The following RAB30 variants were observed in gnomAD, a reference collection of about 807,000 sequenced individuals.
RAB30 encodes the protein ras-related protein Rab-30.
In RAB30, 9 loss-of-function variants were observed where a neutral mutation model predicts 25.1. That is an observed-to-expected ratio of 0.36 (90% CI 0.22 to 0.63). RAB30 has a LOEUF of 0.63. Among genes scored for constraint, RAB30 ranks in the 20% least tolerant of loss-of-function variants. RAB30 has a pLI of 0.69. For synonymous variants in RAB30, 77 were observed against 86.4 expected, an observed-to-expected ratio of 0.89 and a Z score of 0.60; for missense variants, 140 against 243.5, an observed-to-expected ratio of 0.58 and a Z score of 2.83.
At chr11:83,010,498 T>C (rs1279826306) in intron 1 of RAB30, among the ~76,000 whole-genome samples, 2 of 152,220 alleles carry the variant, frequency 1.3e-5, no homozygotes, top group Admixed American at 1.3e-4. Flanking sequence ...TTTAAAATTC[T>C]TACCTCTGGG....
At chr11:83,036,194 T>C (rs1484757456) in intron 1 of RAB30, among the ~76,000 whole-genome samples, 1 of 143,002 alleles carries the variant, frequency 7.0e-6, no homozygotes, top group African/African-American at 2.6e-5. Flanking sequence ...TGAGATGGAG[T>C]CTCACTCCAC....
At chr11:82,988,156 T>C (rs1008685620) in intron 3 of RAB30, among the ~76,000 whole-genome samples, 1 of 152,206 alleles carries the variant, frequency 6.6e-6, no homozygotes, top group African/African-American at 2.4e-5. Flanking sequence ...ATGAGGTAGA[T>C]ACTATCATAA....
At chr11:83,047,007 T>C (rs1483777606) in intron 1 of RAB30, among the ~76,000 whole-genome samples, 1 of 152,218 alleles carries the variant, frequency 6.6e-6, no homozygotes, top group African/African-American at 2.4e-5. Flanking sequence ...ATTCCGGCTC[T>C]TCACGCAGAG....
intron 1 of RAB30, among the ~76,000 whole-genome samples, chr11:83,046,618 T>G (rs1010528581): frequency 1.6e-4 from 25 of 152,086 alleles, no homozygotes; most frequent in African/African-American, 5.8e-4. Flanking sequence ...CTTAGTCTCC[T>G]GAGTAGCTAC....
chr11:83,030,683 G>C (rs1857835783), intron 1 of RAB30, among the ~76,000 whole-genome samples: 1 of 151,878 alleles, frequency 6.6e-6, no homozygotes, highest in Non-Finnish European at 1.5e-5. Context: ...TGTAATCCCA[G>C]CTACTCAGGA....
intron 1 of RAB30, among the ~76,000 whole-genome samples, chr11:83,001,479 G>A (rs187951453): frequency 6.6e-6 from 1 of 152,234 alleles, no homozygotes; most frequent in African/African-American, 2.4e-5. Context: ...ACGCCAAGAC[G>A]TTGCATGTTT....
At chr11:83,017,158 G>T (rs1369554805) in intron 1 of RAB30, among the ~76,000 whole-genome samples, 2 of 152,066 alleles carry the variant, frequency 1.3e-5, no homozygotes, top group African/African-American at 2.4e-5. Flanking sequence ...GAGTAACATG[G>T]CAAAACTAAG....
intron 1 of RAB30, among the ~76,000 whole-genome samples, chr11:83,004,759 C>A (rs1204283000): frequency 2.6e-5 from 4 of 151,978 alleles, no homozygotes; most frequent in African/African-American, 9.7e-5. Flanking sequence ...TCTCTCACCC[C>A]CTACTATCCT....
At chr11:83,068,641 C>T (rs572305248) in intron 1 of RAB30, among the ~76,000 whole-genome samples, 1 of 152,212 alleles carries the variant, frequency 6.6e-6, no homozygotes, top group Non-Finnish European at 1.5e-5. Context: ...TCTCCTCTTG[C>T]TCTGTCTCTA....
At chr11:83,028,642 C>T (rs1857780518) in intron 1 of RAB30, among the ~76,000 whole-genome samples, 1 of 152,088 alleles carries the variant, frequency 6.6e-6, no homozygotes, top group South Asian at 2.1e-4. Context: ...TAAAGCAATG[C>T]CTTTAAAATC....
At chr11:83,015,979 A>C (rs1380910444) in intron 1 of RAB30, among the ~76,000 whole-genome samples, 2 of 152,114 alleles carry the variant, frequency 1.3e-5, no homozygotes, top group African/African-American at 2.4e-5. Context: ...CTCTACAAAA[A>C]ATACAAAAAT....
At chr11:83,064,493 T>C (rs1305820281) in intron 1 of RAB30, among the ~76,000 whole-genome samples, 4 of 152,202 alleles carry the variant, frequency 2.6e-5, no homozygotes, top group African/African-American at 9.6e-5. Context: ...ACAGCTAATG[T>C]TCCTCCTGCA....
intron 3 of RAB30, 74 bp downstream of exon 3, chr11:82,993,965 T>C: frequency 8.6e-7 from 1 of 1,159,842 alleles, no homozygotes; most frequent in Non-Finnish European, 1.3e-6. Context: ...ATTTAATAAA[T>C]GGTTATGAAA....
At chr11:83,066,783 C>G (rs1365708042) in intron 1 of RAB30, among the ~76,000 whole-genome samples, 1 of 152,206 alleles carries the variant, frequency 6.6e-6, no homozygotes, top group African/African-American at 2.4e-5. Flanking sequence ...AACTCCTGAC[C>G]TCAGGTGATC....
intron 1 of RAB30, among the ~76,000 whole-genome samples, chr11:83,069,949 G>T (rs1858793647): frequency 6.6e-6 from 1 of 152,188 alleles, no homozygotes; most frequent in Admixed American, 6.5e-5. Flanking sequence ...TATTCACATA[G>T]TCTACATCCA....
At chr11:83,068,229 C>T (rs527605949) in intron 1 of RAB30, among the ~76,000 whole-genome samples, 1 of 151,164 alleles carries the variant, frequency 6.6e-6, no homozygotes, top group East Asian at 1.9e-4. Flanking sequence ...ACCTGGGAGG[C>T]GGAGGTTGCA....
At chr11:83,059,202 A>T (rs1205038897) in intron 1 of RAB30, among the ~76,000 whole-genome samples, 1 of 152,188 alleles carries the variant, frequency 6.6e-6, no homozygotes, top group Non-Finnish European at 1.5e-5. Flanking sequence ...TTGACCTCCC[A>T]AAATGCTGGG....
chr11:83,007,459 T>C (rs1014589877), intron 1 of RAB30, among the ~76,000 whole-genome samples: 4 of 152,226 alleles, frequency 2.6e-5, no homozygotes, highest in Non-Finnish European at 5.9e-5. Flanking sequence ...ATGTTTGATA[T>C]TTTCCTAATT....
intron 1 of RAB30, among the ~76,000 whole-genome samples, chr11:83,053,957 G>A: frequency 6.6e-6 from 1 of 152,172 alleles, no homozygotes; most frequent in East Asian, 1.9e-4. Context: ...AGGAGTGATA[G>A]CATATGCCTG....
Sources: allele counts gnomAD v4.1 joint callset (sites outside exome capture counted in the v4.1 genomes callset), GRCh38; gene constraint gnomAD v4.1.1; transcripts MANE v1.5; gene names NCBI Gene and HGNC (gene_info 2026-07-23, HGNC 2026-07-21).